Variants in SLC44A4 observed in about 807,000 individuals in gnomAD.
The protein encoded by SLC44A4 is choline transporter-like protein 4.
A neutral mutation model predicts 97.0 loss-of-function variants in SLC44A4; 74 were observed. The observed-to-expected ratio is 0.76, with a 90% confidence interval of 0.63 to 0.93. SLC44A4 has a LOEUF of 0.93. SLC44A4 is among the 40% of genes least tolerant of loss of function. The pLI is 0.00. For synonymous variants in SLC44A4, 325 were observed against 363.8 expected (o/e 0.89, Z 1.21); for missense variants, 799 against 902.9 (o/e 0.88, Z 1.48).
At chr6:31,871,197 G>A (rs1763156012) in intron 9 of SLC44A4, 117 bp downstream of exon 9, 11 of 1,293,370 alleles carry the variant, frequency 8.5e-6, no homozygotes, top group African/African-American at 2.9e-5. Flanking sequence ...GAATCCATTC[G>A]GAGCTCTGGC....
At chr6:31,871,228 C>T in intron 9 of SLC44A4, 86 bp downstream of exon 9, 1 of 1,409,004 alleles carries the variant, frequency 7.1e-7, no homozygotes, top group Non-Finnish European at 1.0e-6. Flanking sequence ...CTGTCCAAAG[C>T]CTGTGTTTCA....
In SLC44A4 at chr6:31,866,084, A is replaced by G; in HGVS notation, c.1276T>C (p.Phe426Leu). The change falls in exon 14 of 21, where the codon TTC becomes CTC. Residue 426 changes from phenylalanine to leucine, a missense_variant. Around this residue, in one of 3 missense-constraint regions of SLC44A4, gnomAD observed 379 missense variants for 438.3 expected, o/e 0.86. Coordinates refer to ENST00000229729, the MANE Select transcript of SLC44A4 (RefSeq NM_025257.3). ...AGGCCTTTGGATGAGTAGCCCTGGA[A>G]GACGCACATCAGCCCTGGGCACGAG... The part of the protein sequence containing the change: ...NSSCPGLMCV[F>L]QGYSSKGLIQ... 1 of 1,614,156 alleles carries G rather than the reference A, an allele frequency of 6.2e-7. No homozygotes were observed. Among genetic ancestry groups the G allele is most frequent in the Non-Finnish European group, 8.5e-7 (1 of 1,180,002 alleles).
chr6:31,864,955 C>T (rs1762767765), intron 18 of SLC44A4, 45 bp from the exon 19 acceptor site: 1 of 1,613,732 alleles, frequency 6.2e-7, no homozygotes, highest in East Asian at 2.2e-5. Context: ...CTGAGGCCAC[C>T]TCTTCAGCTG....
Position 31,871,400 on chromosome 6 carries a change from G to C in SLC44A4, c.618-3C>G, listed in dbSNP as rs1160674137. 6.2e-7 allele frequency: 1 copy of C among 1,614,046 alleles called. No homozygotes were observed. The highest frequency in any genetic ancestry group is 8.5e-7 in the Non-Finnish European group (1 of 1,180,016). Reference sequence around the variant, plus strand: ...CATTGAGGCTGTCAATAAGACCGCTGTTGGGGAGACAGAGTCAGATGGGGC... The same window carrying C: ...CATTGAGGCTGTCAATAAGACCGCTCTTGGGGAGACAGAGTCAGATGGGGC... On this transcript the variant is annotated splice_polypyrimidine_tract_variant and splice_region_variant and intron_variant, in intron 8 of 20. Transcript: ENST00000229729.
Position 31,865,035 on chromosome 6 carries a change from C to T in SLC44A4, c.1806G>A (p.Gly602=). 6.2e-7 allele frequency: 1 copy of T among 1,613,754 alleles called. No individual in the cohort carries two copies. The highest frequency in any genetic ancestry group is 1.1e-5 in the South Asian group (1 of 91,082). The stretch of plus-strand genomic sequence containing the variant: ...CCACGCCTCCGACCACCAGCAGCTT[C>T]CCAAAGAACAGCAGCAGGTCTGTGA... ...DKVTDLLLFF[G]KLLVVGGVGV... is the part of the protein sequence containing the mutation. The change falls in exon 18 of 21, where the codon GGG becomes GGA. Residue 602 remains glycine (G), a synonymous_variant. Coordinates refer to ENST00000229729, the MANE Select transcript of SLC44A4 (RefSeq NM_025257.3). The surrounding 1 kb of genome is among the most constrained non-coding windows in gnomAD (Gnocchi z 5.2).
At position 31,874,984 on chromosome 6, in the gene SLC44A4, A is replaced by C; in HGVS notation, c.287T>G (p.Leu96Arg). 1 of 1,613,332 alleles carries C rather than the reference A, an allele frequency of 6.2e-7. No homozygotes were observed. Among genetic ancestry groups the C allele is most frequent in the Non-Finnish European group, 8.5e-7 (1 of 1,179,992 alleles). ...AGCAACTGAGATGATGTTGCTGGAC[A>C]GGATGCAGCTGAAGATGTTGAAGTA... ...LLYFNIFSCILSSNIISVAEN... is the reference protein window; with the variant it reads ...LLYFNIFSCIRSSNIISVAEN... The change falls in exon 5 of 21, where the codon CTG becomes CGG. Residue 96 changes from leucine (L) to arginine (R), a missense_variant. By Grantham distance (102) the Leu-to-Arg change is moderately radical (BLOSUM62 -2). Transcript: ENST00000229729. The surrounding 1 kb of genome is among the most constrained non-coding windows in gnomAD (Gnocchi z 4.8).
rs184680710 is a variant in SLC44A4 at position 31,871,960 on chromosome 6, G to A, written c.530-399C>T. 2.2e-4 allele frequency among the ~76,000 whole-genome samples: 34 copies of A among 152,248 alleles called. No individual in the cohort carries two copies. The East Asian group carries it at 4.1e-3, about 18-fold the overall frequency. On this transcript the variant is annotated intron_variant, in intron 7 of 20. Transcript: ENST00000229729. Reference sequence around the variant, plus strand: ...AGACAGCATCCACACTCCCTGGCCAGGCTTCCAGGCTCTCCTGTGCAAATC... The same window carrying A: ...AGACAGCATCCACACTCCCTGGCCAAGCTTCCAGGCTCTCCTGTGCAAATC...
intron 11 of SLC44A4, 141 bp from the exon 12 acceptor site, chr6:31,869,778 G>T (rs1562448575): frequency 4.7e-6 from 3 of 644,944 alleles, no homozygotes; most frequent in Admixed American, 4.9e-5. Context: ...GAGGTCAGGA[G>T]ATCGAGACCA....
intron 11 of SLC44A4, among the ~76,000 whole-genome samples, chr6:31,869,999 G>T (rs1234430062): frequency 5.3e-5 from 8 of 151,832 alleles, no homozygotes; most frequent in Non-Finnish European, 8.8e-5. Flanking sequence ...AAAAAAAAAG[G>T]GGGGGGCTGA....
At chr6:31,864,320 C>G (rs1327455034) in intron 20 of SLC44A4, 3 of 429,296 alleles carry the variant, frequency 7.0e-6, no homozygotes, top group Non-Finnish European at 1.3e-5. Context: ...GGGTGATCTG[C>G]CCACCTCGGT....
chr6:31,870,437 C>G (rs1763092818), intron 11 of SLC44A4, among the ~76,000 whole-genome samples, 166 bp downstream of exon 11: 1 of 152,156 alleles, frequency 6.6e-6, no homozygotes, highest in African/African-American at 2.4e-5. Context: ...TTGTTACCCC[C>G]ATTTTACAGA....
At chr6:31,869,781 C>T (rs546552983) in intron 11 of SLC44A4, 144 bp from the exon 12 acceptor site, 17 of 635,926 alleles carry the variant, frequency 2.7e-5, no homozygotes, top group Non-Finnish European at 4.3e-5. Context: ...GTCAGGAGAT[C>T]GAGACCATGC....
At chr6:31,875,824 G>T in intron 4 of SLC44A4, 28 bp downstream of exon 4, 1 of 1,581,558 alleles carries the variant, frequency 6.3e-7, no homozygotes. Context: ...CCTCGCTCCT[G>T]CACTCCTCTT....
chr6:31,869,393 TC>T, intron 12 of SLC44A4, 136 bp from the exon 13 acceptor site: 1 of 936,092 alleles, frequency 1.1e-6, no homozygotes, highest in Admixed American at 2.2e-5. Context: ...GTGCACCCTT[TC>T]AACTCTGTTC....
At chr6:31,871,243 T>C (rs192744375) in intron 9 of SLC44A4, 71 bp downstream of exon 9, 40 of 1,473,722 alleles carry the variant, frequency 2.7e-5, no homozygotes, top group Admixed American at 5.0e-5. Context: ...GTTTCAGACA[T>C]TGGGCGAGGG....
rs534791653 is a variant in SLC44A4 at position 31,874,109 on chromosome 6, C to T, written c.529+351G>A. 1.5e-4 allele frequency among the ~76,000 whole-genome samples: 22 copies of T among 151,012 alleles called. No individual in the cohort carries two copies. The highest frequency in any genetic ancestry group is 1.1e-3 in the Admixed American group (17 of 15,194). The stretch of plus-strand genomic sequence containing the variant: ...CAGCCTGGGCAACAGAGGAAGACTC[C>T]GTCAAAAAAAAAAAAATGTGTGTGT... On this transcript the variant is annotated intron_variant, in intron 7 of 20. Coordinates refer to ENST00000229729, the MANE Select transcript of SLC44A4 (RefSeq NM_025257.3). This position sits in a 1 kb window ranked among gnomAD's most constrained non-coding sequence, Gnocchi z 4.8.
chr6:31,868,757 C>T (rs898607681), intron 13 of SLC44A4, among the ~76,000 whole-genome samples: 1 of 152,010 alleles, frequency 6.6e-6, no homozygotes, highest in Non-Finnish European at 1.5e-5. Context: ...GATTGCACTG[C>T]TGCACTCCAG....
Position 31,870,691 on chromosome 6 carries a change from C to G in SLC44A4, c.949G>C (p.Ala317Pro). 1 of 1,611,538 alleles carries G rather than the reference C, an allele frequency of 6.2e-7. No individual in the cohort carries two copies. Among genetic ancestry groups the G allele is most frequent in the South Asian group, 1.1e-5 (1 of 90,838 alleles). ...AGCAGCAGGATGGCTTCAAGCACCG[C>G]CAACACGATCACTGCAGAGGACGGG... ...ETWLAALIVL[A>P]VLEAILLLML... The change falls in exon 11 of 21, where the codon GCG (alanine) becomes CCG (proline). Residue 317 changes from alanine (A) to proline (P), a missense_variant. Physicochemically the swap from Ala to Pro is conservative, Grantham distance 27 (BLOSUM62 -1). Transcript: ENST00000229729.
rs749888562 is a variant in SLC44A4, at chr6:31,875,923, C to A, written c.171G>T (p.Leu57Phe). ...AGAGGACTTGCCGGGGGTCTCCATA[C>A]AACCAGGCTGCAGACAGAGGCACAG... The part of the protein sequence containing the change: ...GYIVVGIVAW[L>F]YGDPRQVLYP... Residue 57 changes from leucine (L) to phenylalanine (F), a missense_variant, in exon 4 of 21, where the codon TTG becomes TTT. Leu to Phe is a conservative substitution (Grantham distance 22, BLOSUM62 0). This residue lies in a region of SLC44A4 where 409 missense variants were observed against 434.1 expected (regional missense o/e 0.94). Coordinates refer to ENST00000229729, the MANE Select transcript of SLC44A4 (RefSeq NM_025257.3). 6.2e-7 allele frequency: 1 copy of A among 1,613,914 alleles called. No individual in the cohort carries two copies. Among genetic ancestry groups the A allele is most frequent in the African/African-American group, 1.3e-5 (1 of 75,036 alleles).
Sources: gnomAD v4.1 joint callset for allele counts (sites outside exome capture counted in the v4.1 genomes callset) on GRCh38, gnomAD v4.1.1 for gene constraint, gnomAD v4.1.1 regional missense constraint, Gnocchi (gnomAD v3.1) non-coding constraint, MANE v1.5 for transcripts, NCBI Gene and HGNC (gene_info 2026-07-23, HGNC 2026-07-21) for gene names.